PAPLN: variants seen among roughly 807,000 people sequenced by gnomAD.
PAPLN encodes papilin.
PAPLN carries 146 observed loss-of-function variants against 159.0 expected under a neutral mutation model. The ratio of observed to expected loss-of-function variants is 0.92; its 90% CI spans 0.80 to 1.05. PAPLN has a LOEUF of 1.05. Ranked by LOEUF, PAPLN falls within the 50% of genes least tolerant of loss-of-function variation. The probability of loss-of-function intolerance (pLI) is 0.00; values close to 1 mark genes in which losing one functional copy is unlikely to be tolerated. For synonymous variants in PAPLN, 734 were observed against 702.9 expected (o/e 1.04, Z -0.70); for missense variants, 1,720 against 1,743.9 (o/e 0.99, Z 0.24).
At chr14:73,264,780 G>A (rs1266200442) in intron 22 of PAPLN, 54 bp downstream of exon 22, 3 of 1,604,656 alleles carry the variant, frequency 1.9e-6, no homozygotes, top group Non-Finnish European at 8.5e-7. Context: ...CCAGGGCCGG[G>A]GGTCTCAGTG....
At chr14:73,252,468 C>A (rs956435073) in intron 10 of PAPLN, among the ~76,000 whole-genome samples, 181 bp from the exon 11 acceptor site, 5 of 152,194 alleles carry the variant, frequency 3.3e-5, no homozygotes, top group Non-Finnish European at 5.9e-5. Context: ...ACAGCAAAAA[C>A]CCTCAGAGCC....
In PAPLN at chr14:73,265,292, G is replaced by T; in HGVS notation, c.3126-78G>T. On this transcript the variant is annotated intron_variant, in intron 22 of 26. Transcript: ENST00000644200. This position sits in a 1 kb window ranked among gnomAD's most constrained non-coding sequence, Gnocchi z 4.1. ...CTGGAGAGGGAGAAGGGGCCACCAG[G>T]CTTGTGCAGAGGTGCCCATGGGAGT... 6.5e-7 allele frequency: 1 copy of T among 1,549,298 alleles called. No individual in the cohort carries two copies. The highest frequency in any genetic ancestry group is 8.7e-7 in the Non-Finnish European group (1 of 1,151,980).
intron 19 of PAPLN, 40 bp from the exon 20 acceptor site, chr14:73,263,605 G>T: frequency 6.2e-7 from 1 of 1,612,572 alleles, no homozygotes. Context: ...TGGTCCTGGC[G>T]CTCATGCCAG....
At chr14:73,236,906 GAGGA>G (rs1280582285), upstream of PAPLN, among the ~76,000 whole-genome samples, 1 of 144,504 alleles carries the variant, frequency 6.9e-6, no homozygotes, top group African/African-American at 2.7e-5. Flanking sequence ...AGAAAGAAAA[GAGGA>G]AGGGAGGGAG....
At chr14:73,241,859 C>T (rs904463317) in intron 2 of PAPLN, among the ~76,000 whole-genome samples, 1 of 152,278 alleles carries the variant, frequency 6.6e-6, no homozygotes, top group Non-Finnish European at 1.5e-5. Flanking sequence ...TGTTCTGTCT[C>T]TCTCTTACAC....
chr14:73,259,317 G>T lies in PAPLN; in HGVS notation c.1757G>T (p.Gly586Val), dbSNP rs773689527. Reference protein sequence around the residue: ...WAAQEHPSARGDHRGERGDPR... With the variant: ...WAAQEHPSARVDHRGERGDPR... ...GCCCAGGAACACCCCTCAGCCAGGG[G>T]TGACCACAGGGGAGAACGAGGTGAC... Residue 586 changes from glycine (G) to valine (V), a missense_variant, in exon 16 of 27, where the codon GGT (glycine) becomes GTT (valine). Physicochemically the swap from Gly to Val is moderately radical, Grantham distance 109. Transcript: ENST00000644200. The T allele has an allele frequency of 1.2e-6, 2 of 1,601,326 alleles. No individual in the cohort carries two copies. Among genetic ancestry groups the T allele is most frequent in the African/African-American group, 1.3e-5 (1 of 74,656 alleles).
At chr14:73,250,143 T>G (rs1463138259) in intron 6 of PAPLN, 29 bp downstream of exon 6, 1 of 1,581,004 alleles carries the variant, frequency 6.3e-7, no homozygotes, top group Non-Finnish European at 8.6e-7. Context: ...CCTCCCTGCC[T>G]CCGGGCTGCC....
chr14:73,263,062 G>A lies in PAPLN; in HGVS notation c.2723+235G>A, dbSNP rs147447092. On this transcript the variant is annotated intron_variant, in intron 19 of 26. Coordinates refer to ENST00000644200, the MANE Select transcript of PAPLN (RefSeq NM_001365906.3). ...AGACATCTGTGCAGATGGTGGCTCCGGGGTTCTCCATCAGATCTCGCCAGT... is the reference window on the plus strand; with the variant it reads ...AGACATCTGTGCAGATGGTGGCTCCAGGGTTCTCCATCAGATCTCGCCAGT... 1,780 of 419,916 alleles carry A rather than the reference G, an allele frequency of 4.2e-3. 11 individuals carry two copies. Among genetic ancestry groups the A allele is most frequent in the South Asian group, 0.029 (265 of 9,040 alleles). 26.0% of individuals were successfully genotyped at this position (419,916 alleles called of 1,614,324 possible). A position where few individuals can be genotyped will look rare whatever the true frequency, so the allele number is the denominator to read the frequency against.
intron 18 of PAPLN, 78 bp from the exon 19 acceptor site, chr14:73,262,272 G>A (rs2140285182): frequency 7.2e-7 from 1 of 1,390,832 alleles, no homozygotes; most frequent in Non-Finnish European, 9.9e-7. Context: ...TGCTTCCTGA[G>A]TCGGAGGCTG....
chr14:73,262,523 T>C lies in PAPLN; in HGVS notation c.2419T>C (p.Ser807Pro). The C allele has an allele frequency of 1.3e-6, 2 of 1,578,542 alleles. No individual in the cohort carries two copies. Among genetic ancestry groups the C allele is most frequent in the African/African-American group, 1.3e-5 (1 of 74,180 alleles). The change falls in exon 19 of 27, where the codon TCT becomes CCT. Residue 807 changes from serine (S) to proline (P), a missense_variant. Coordinates refer to ENST00000644200, the MANE Select transcript of PAPLN (RefSeq NM_001365906.3). ...EQECMSSCQGSLHGPRRPQPG... is the reference protein window; with the variant it reads ...EQECMSSCQGPLHGPRRPQPG... ...AGAGTGCATGAGCAGCTGCCAGGGA[T>C]CTCTCCATGGGCCCCGTCGTCCCCA...
In PAPLN at chr14:73,265,797, T is replaced by C. The variant is rs1887156510; in HGVS notation, c.3263+290T>C. 6.6e-6 allele frequency among the ~76,000 whole-genome samples: 1 copy of C among 152,204 alleles called. No individual in the cohort carries two copies. Among genetic ancestry groups the C allele is most frequent in the African/African-American group, 2.4e-5 (1 of 41,454 alleles). ...CAGAACACATTCCCAGCTATAACCA[T>C]AATGGCTACCCTTTACTGAGCAGGC... On this transcript the variant is annotated intron_variant, in intron 23 of 26. Coordinates refer to ENST00000644200, the MANE Select transcript of PAPLN (RefSeq NM_001365906.3). This position sits in a 1 kb window ranked among gnomAD's most constrained non-coding sequence, Gnocchi z 4.1.
Position 73,251,647 on chromosome 14 carries a change from C to T in PAPLN, c.671-17C>T, listed in dbSNP as rs752321614. 37 of 1,613,406 alleles carry T rather than the reference C, an allele frequency of 2.3e-5. No homozygotes were observed. Among genetic ancestry groups the T allele is most frequent in the East Asian group, 6.7e-5 (3 of 44,888 alleles). Reference sequence around the variant, plus strand: ...CACTGCTCCCTCTGGCTGACTGAGGCGGTCTCCTCTGCGCAGCTGTGAAGA... The same window carrying T: ...CACTGCTCCCTCTGGCTGACTGAGGTGGTCTCCTCTGCGCAGCTGTGAAGA... On this transcript the variant is annotated splice_polypyrimidine_tract_variant and intron_variant, in intron 8 of 26. Transcript: ENST00000644200.
Position 73,271,503 on chromosome 14 carries a change from ATTTTT to A in PAPLN, c.3668-980_3668-976del, listed in dbSNP as rs57834403. 4.2e-5 allele frequency among the ~76,000 whole-genome samples: 6 copies of A among 143,702 alleles called. No homozygotes were observed. The East Asian group carries it at 1.2e-3, about 29-fold the overall frequency. The allele number at this position is 143,702 out of a possible 152,430, so 94.3% of individuals were successfully genotyped here. A position where few individuals can be genotyped will look rare whatever the true frequency, so the allele number is the denominator to read the frequency against. On this transcript the variant is annotated intron_variant, in intron 26 of 26. Coordinates refer to ENST00000644200, the MANE Select transcript of PAPLN (RefSeq NM_001365906.3). ...AAGAGAGATGAAGCAGTAGAATGAA[ATTTTT>A]TTTTTTTTTTTAAGACAGAATCTTG...
intron 11 of PAPLN, 132 bp from the exon 12 acceptor site, chr14:73,253,622 A>T: frequency 1.2e-6 from 1 of 839,912 alleles, no homozygotes; most frequent in Non-Finnish European, 1.8e-6. Flanking sequence ...GCCTTTGTTC[A>T]GGCTGGAGGC....
At chr14:73,269,243 A>T (rs1368430856) in intron 26 of PAPLN, among the ~76,000 whole-genome samples, 1 of 151,924 alleles carries the variant, frequency 6.6e-6, no homozygotes, top group Non-Finnish European at 1.5e-5. Flanking sequence ...CACCGGTCAC[A>T]CCGCAAATGT....
Position 73,252,746 on chromosome 14 carries a change from C to T in PAPLN, c.1065C>T (p.Cys355=), listed in dbSNP as rs777678938. 7 of 1,613,594 alleles carry T rather than the reference C, an allele frequency of 4.3e-6. No homozygotes were observed. Among genetic ancestry groups the T allele is most frequent in the Middle Eastern group, 1.7e-4 (1 of 6,060 alleles). Reference sequence around the variant, plus strand: ...CACGGCCAGCTGACCGGCGTTCCTGCAATCTTCACCCTTGCCCGGAGACCA... The same window carrying T: ...CACGGCCAGCTGACCGGCGTTCCTGTAATCTTCACCCTTGCCCGGAGACCA... The part of the protein sequence containing the change: ...RQPRPADRRS[C]NLHPCPETKR... The change falls in exon 11 of 27, where the codon TGC becomes TGT. Residue 355 remains cysteine, a synonymous_variant. Coordinates refer to ENST00000644200, the MANE Select transcript of PAPLN (RefSeq NM_001365906.3).
Position 73,253,612 on chromosome 14 carries a change from G to A in PAPLN, c.1095-142G>A. The A allele has an allele frequency of 6.3e-6, 5 of 788,118 alleles. No individual in the cohort carries two copies. In the South Asian group the frequency reaches 9.2e-5, roughly 15 times the overall value. 48.8% of individuals were successfully genotyped at this position (788,118 alleles called of 1,614,324 possible). A position where few individuals can be genotyped will look rare whatever the true frequency, so the allele number is the denominator to read the frequency against. On this transcript the variant is annotated intron_variant, in intron 11 of 26. Coordinates refer to ENST00000644200, the MANE Select transcript of PAPLN (RefSeq NM_001365906.3). ...GATGCTAAGGAGCGCCTGGGTCGTA[G>A]CCTTTGTTCAGGCTGGAGGCTCAGA...
intron 25 of PAPLN, among the ~76,000 whole-genome samples, chr14:73,267,192 T>A (rs553561861): frequency 6.6e-6 from 1 of 152,286 alleles, no homozygotes; most frequent in Non-Finnish European, 1.5e-5. Flanking sequence ...CAATAAAGAA[T>A]GGCTCCAGAC....
chr14:73,250,983 C>A lies in PAPLN; in HGVS notation c.542C>A (p.Thr181Asn), dbSNP rs199547136. Residue 181 changes from threonine to asparagine, a missense_variant, in exon 7 of 27, where the codon ACC (threonine) becomes AAC (asparagine). Coordinates refer to ENST00000644200, the MANE Select transcript of PAPLN (RefSeq NM_001365906.3). ...CTGCGGTGTGGGGGTGACGGCACGA[C>A]CTGCTACCCCGTCGCAGGCACCTTT... ...KCLRCGGDGT[T>N]CYPVAGTFDA... 2.5e-6 allele frequency: 4 copies of A among 1,613,508 alleles called. No individual in the cohort carries two copies. The South Asian group carries it at 3.3e-5, about 13-fold the overall frequency.
Sources: allele counts gnomAD v4.1 joint callset (sites outside exome capture counted in the v4.1 genomes callset), GRCh38; gene constraint gnomAD v4.1.1; non-coding constraint Gnocchi (gnomAD v3.1); transcripts MANE v1.5; gene names NCBI Gene and HGNC (gene_info 2026-07-23, HGNC 2026-07-21).